Variants in MAGOHB observed in about 807,000 individuals in gnomAD.
MAGOHB encodes protein mago nashi homolog 2.
MAGOHB carries 15 observed loss-of-function variants against 20.9 expected under a neutral mutation model. That is an observed-to-expected ratio of 0.72 (90% CI 0.48 to 1.11). The LOEUF is 1.11. MAGOHB is among the 50% of genes least tolerant of loss of function. The probability of loss-of-function intolerance (pLI) is 0.00; values close to 1 mark genes in which losing one functional copy is unlikely to be tolerated. For missense variants in MAGOHB, 162 were observed against 177.6 expected, an observed-to-expected ratio of 0.91 and a Z score of 0.50; for synonymous variants, 50 against 57.9, an observed-to-expected ratio of 0.86 and a Z score of 0.62.
In MAGOHB at chr12:10,609,861, C is replaced by A; in HGVS notation, c.234G>T (p.Leu78Phe). The A allele has an allele frequency of 6.2e-7, 1 of 1,613,052 alleles. No individual in the cohort carries two copies. The highest frequency in any genetic ancestry group is 1.7e-5 in the Admixed American group (1 of 59,938). Residue 78 changes from leucine to phenylalanine, a missense_variant, in exon 3 of 5, where the codon TTG (leucine) becomes TTT (phenylalanine). By Grantham distance (22) the Leu-to-Phe change is conservative. Transcript: ENST00000320756. ...GGCCAACCCTATCAGGGGGAGGCCA[C>A]AAAGCATCATCTTCTTTTGTAATTT... ...DSEITKEDDALWPPPDRVGRQ... is the reference protein window; with the variant it reads ...DSEITKEDDAFWPPPDRVGRQ...
At chr12:10,603,548 CAA>C (rs144204675), downstream of MAGOHB, among the ~76,000 whole-genome samples, 88 of 140,792 alleles carry the variant, frequency 6.3e-4, no homozygotes, top group Admixed American at 1.2e-3. Flanking sequence ...GACATAATGG[CAA>C]AAAAAAAAAA....
intron 3 of MAGOHB, chr12:10,608,421 T>C (rs973572294): frequency 6.6e-6 from 1 of 152,350 alleles, no homozygotes; most frequent in African/African-American, 2.4e-5. Flanking sequence ...GTACTCTCTG[T>C]AATCTTGAAA....
At chr12:10,611,747 C>CAAA (rs1042294332) in intron 1 of MAGOHB, among the ~76,000 whole-genome samples, 16 of 27,692 alleles carry the variant, frequency 5.8e-4, no homozygotes, top group African/African-American at 1.5e-3. Flanking sequence ...GACTCTGTCT[C>CAAA]AAAAAAAAAA....
At chr12:10,611,770 A>AG (rs1312383749) in intron 1 of MAGOHB, among the ~76,000 whole-genome samples, 27 of 149,646 alleles carry the variant, frequency 1.8e-4, no homozygotes, top group Non-Finnish European at 3.3e-4. Flanking sequence ...AAAAAAAAAA[A>AG]AAAAAGAAAA....
chr12:10,600,544 T>C (rs758800877), downstream of MAGOHB, among the ~76,000 whole-genome samples: 7 of 152,196 alleles, frequency 4.6e-5, no homozygotes, highest in Non-Finnish European at 7.3e-5. Flanking sequence ...AATGTGCACA[T>C]TTGATTTTTT....
intron 3 of MAGOHB, chr12:10,608,137 C>A: frequency 2.5e-6 from 1 of 404,374 alleles, no homozygotes; most frequent in Non-Finnish European, 4.4e-6. Flanking sequence ...CGCACTACCC[C>A]CAAGTTTAGG....
At chr12:10,610,730 AAATT>A in intron 1 of MAGOHB, 50 bp from the exon 2 acceptor site, 12 of 1,514,132 alleles carry the variant, frequency 7.9e-6, no homozygotes, top group Non-Finnish European at 1.1e-5. Context: ...ACTGCTAAAA[AAATT>A]AACATCATAT....
chr12:10,613,080 A>C, intron 1 of MAGOHB: 4 of 604,556 alleles, frequency 6.6e-6, no homozygotes, highest in Non-Finnish European at 7.5e-6. Context: ...AGCCTAAATG[A>C]AAAAAAGGTA....
rs139563088 is a variant in MAGOHB, at chr12:10,604,284, T to A, written c.*1991A>T. The A allele has an allele frequency of 1.3e-3, 203 of 152,328 alleles. No individual in the cohort carries two copies. The highest frequency in any genetic ancestry group is 4.6e-3 in the African/African-American group (191 of 41,560). 9.4% of individuals were successfully genotyped at this position (152,328 alleles called of 1,614,324 possible). A position where few individuals can be genotyped will look rare whatever the true frequency, so the allele number is the denominator to read the frequency against. On this transcript the variant is annotated 3_prime_UTR_variant, in exon 5 of 5. Coordinates refer to ENST00000320756, the MANE Select transcript of MAGOHB (RefSeq NM_018048.5). The stretch of plus-strand genomic sequence containing the variant: ...CTAGTTTCATATAAAACTAGTATTA[T>A]ACAAAATTCAGTTTCTAATGATCAC...
downstream of MAGOHB, among the ~76,000 whole-genome samples, chr12:10,603,214 T>C (rs996894651): frequency 1.3e-4 from 19 of 149,306 alleles, no homozygotes; most frequent in African/African-American, 4.7e-4. Flanking sequence ...CTCCGGAGGC[T>C]GAGGCAGGGA....
downstream of MAGOHB, among the ~76,000 whole-genome samples, chr12:10,603,374 G>T (rs4237930): frequency 0.79 from 117,698 of 149,776 alleles, 46,590 homozygotes; most frequent in East Asian, 0.99. Flanking sequence ...TAATCACCCT[G>T]TTTGTCTTTC....
At chr12:10,612,855 C>A (rs1865772770) in intron 1 of MAGOHB, 1 of 1,288,866 alleles carries the variant, frequency 7.8e-7, no homozygotes, top group South Asian at 1.2e-5. Context: ...CTGTTTTTTT[C>A]TCTCAAAGGC....
In MAGOHB at chr12:10,604,455, C is replaced by G. The variant is rs957750834; in HGVS notation, c.*1820G>C. 6.6e-6 allele frequency: 1 copy of G among 152,068 alleles called. No individual in the cohort carries two copies. Among genetic ancestry groups the G allele is most frequent in the East Asian group, 1.9e-4 (1 of 5,188 alleles). 9.4% of individuals were successfully genotyped at this position (152,068 alleles called of 1,614,324 possible). A position where few individuals can be genotyped will look rare whatever the true frequency, so the allele number is the denominator to read the frequency against. Reference sequence around the variant, plus strand: ...GATAGTGGGGATAGAGCTAAATAAACGAAAACGTAAGGAAGTTAGAGAACG... The same window carrying G: ...GATAGTGGGGATAGAGCTAAATAAAGGAAAACGTAAGGAAGTTAGAGAACG... On this transcript the variant is annotated 3_prime_UTR_variant, in exon 5 of 5. Transcript: ENST00000320756.
At chr12:10,609,520 T>C in intron 3 of MAGOHB, 1 of 395,690 alleles carries the variant, frequency 2.5e-6, no homozygotes, top group Non-Finnish European at 4.8e-6. Flanking sequence ...TACATAGTCA[T>C]ATTCTTAATA....
At position 10,609,835 on chromosome 12, in the gene MAGOHB, C is replaced by T. The variant is rs1050010220; in HGVS notation, c.260G>A (p.Arg87Gln). The T allele has an allele frequency of 1.9e-6, 3 of 1,595,224 alleles. No individual in the cohort carries two copies. Among genetic ancestry groups the T allele is most frequent in the East Asian group, 4.5e-5 (2 of 44,748 alleles). ...AAAGAATCACTAAATACAAACCTGT[C>T]GGCCAACCCTATCAGGGGGAGGCCA... Reference protein sequence around the residue: ...ALWPPPDRVGRQELEIVIGDE... With the variant: ...ALWPPPDRVGQQELEIVIGDE... Residue 87 changes from arginine (R) to glutamine (Q), a missense_variant, in exon 3 of 5, where the codon CGA (arginine) becomes CAA (glutamine). Physicochemically the swap from Arg to Gln is conservative, Grantham distance 43. Transcript: ENST00000320756.
chr12:10,607,043 T>C (rs973045215), intron 4 of MAGOHB, among the ~76,000 whole-genome samples: 1 of 152,198 alleles, frequency 6.6e-6, no homozygotes, highest in Non-Finnish European at 1.5e-5. Context: ...AGGGTATCAA[T>C]GCCACACCCT....
At position 10,609,864 on chromosome 12, in the gene MAGOHB, A is replaced by C; in HGVS notation, c.231T>G (p.Ala77=). The change falls in exon 3 of 5, where the codon GCT becomes GCG. Residue 77 remains alanine (A), a synonymous_variant. Coordinates refer to ENST00000320756, the MANE Select transcript of MAGOHB (RefSeq NM_018048.5). ...DDSEITKEDD[A]LWPPPDRVGR... ...CAACCCTATCAGGGGGAGGCCACAAAGCATCATCTTCTTTTGTAATTTCAC... is the reference window on the plus strand; with the variant it reads ...CAACCCTATCAGGGGGAGGCCACAACGCATCATCTTCTTTTGTAATTTCAC... 1 of 1,613,288 alleles carries C rather than the reference A, an allele frequency of 6.2e-7. No homozygotes were observed. Among genetic ancestry groups the C allele is most frequent in the East Asian group, 2.2e-5 (1 of 44,840 alleles).
chr12:10,611,167 A>G (rs575535705), intron 1 of MAGOHB, among the ~76,000 whole-genome samples: 140 of 152,284 alleles, frequency 9.2e-4, no homozygotes, highest in Middle Eastern at 3.4e-3. Flanking sequence ...ACTTTCTTTC[A>G]ATACTCAGGC....
chr12:10,612,717 A>T, intron 1 of MAGOHB: 1 of 1,161,768 alleles, frequency 8.6e-7, no homozygotes. Context: ...ATCCAAATGA[A>T]CTTTCTTGTT....
Sources: allele counts gnomAD v4.1 joint callset (sites outside exome capture counted in the v4.1 genomes callset), GRCh38; gene constraint gnomAD v4.1.1; transcripts MANE v1.5; gene names NCBI Gene and HGNC (gene_info 2026-07-23, HGNC 2026-07-21).